The following CNGA1 variants were observed in gnomAD, a reference collection of about 807,000 sequenced individuals.
The protein encoded by CNGA1 is cyclic nucleotide-gated channel alpha-1.
A neutral mutation model predicts 69.7 loss-of-function variants in CNGA1; 53 were observed. The observed-to-expected ratio is 0.76, with a 90% confidence interval of 0.61 to 0.96. The LOEUF (loss-of-function observed/expected upper bound fraction) is 0.96. Among genes scored for constraint, CNGA1 ranks in the 40% least tolerant of loss-of-function variants. The probability of loss-of-function intolerance (pLI) is 0.00; values close to 1 mark genes in which losing one functional copy is unlikely to be tolerated. For synonymous variants in CNGA1, 249 were observed against 283.5 expected (o/e 0.88, Z 1.22); for missense variants, 739 against 811.2 (o/e 0.91, Z 1.08).
At chr4:47,963,720 C>A (rs1740581735) in intron 3 of CNGA1, among the ~76,000 whole-genome samples, 1 of 152,188 alleles carries the variant, frequency 6.6e-6, no homozygotes, top group Non-Finnish European at 1.5e-5. Flanking sequence ...CCCATTTATA[C>A]TCTGCCCTGA....
At chr4:48,007,984 G>T (rs923810943) in intron 2 of CNGA1, among the ~76,000 whole-genome samples, 1 of 152,082 alleles carries the variant, frequency 6.6e-6, no homozygotes, top group Admixed American at 6.5e-5. Context: ...TGCAATAGAA[G>T]TTTAACTTTG....
At chr4:47,939,014 AAAG>A (rs1418831403) in intron 10 of CNGA1, among the ~76,000 whole-genome samples, 1 of 151,228 alleles carries the variant, frequency 6.6e-6, no homozygotes, top group Non-Finnish European at 1.5e-5. Flanking sequence ...AAAGAAAGAG[AAAG>A]AAGAAAGAAA....
chr4:47,995,166 T>C (rs1474309184), intron 2 of CNGA1, among the ~76,000 whole-genome samples: 2 of 139,242 alleles, frequency 1.4e-5, no homozygotes, highest in African/African-American at 5.0e-5. Context: ...GGTGATGATC[T>C]TTTTGTGATG....
chr4:48,011,966 G>A (rs973979112), intron 1 of CNGA1, among the ~76,000 whole-genome samples: 2 of 152,158 alleles, frequency 1.3e-5, no homozygotes, highest in African/African-American at 4.8e-5. Flanking sequence ...TTAGGATTGG[G>A]AGGATCTGGA....
intron 3 of CNGA1, among the ~76,000 whole-genome samples, chr4:47,975,594 T>C (rs899085781): frequency 1.3e-5 from 2 of 152,198 alleles, no homozygotes; most frequent in Admixed American, 6.5e-5. Flanking sequence ...CACCAGAGCA[T>C]GTAAGCATAA....
intron 3 of CNGA1, among the ~76,000 whole-genome samples, chr4:47,964,286 G>T (rs1432404021): frequency 6.6e-6 from 1 of 152,084 alleles, no homozygotes; most frequent in Non-Finnish European, 1.5e-5. Context: ...AAAATTATAT[G>T]AGTAAAATAT....
chr4:47,995,408 ATTTC>A (rs1055685283), intron 2 of CNGA1, among the ~76,000 whole-genome samples: 1 of 151,942 alleles, frequency 6.6e-6, no homozygotes, highest in Admixed American at 6.6e-5. Flanking sequence ...CAAGCTCTAA[ATTTC>A]TTTCTTCTAC....
intron 2 of CNGA1, among the ~76,000 whole-genome samples, chr4:48,005,144 G>A (rs1714863808): frequency 7.0e-6 from 1 of 142,904 alleles, no homozygotes; most frequent in South Asian, 2.1e-4. Context: ...TTGAGATGGA[G>A]TCTTGCTCTT....
At chr4:47,945,461 C>T (rs144726568) in intron 6 of CNGA1, among the ~76,000 whole-genome samples, 2 of 152,266 alleles carry the variant, frequency 1.3e-5, no homozygotes, top group East Asian at 1.9e-4. Context: ...TACTTAGATA[C>T]ATTGAAGACT....
chr4:47,974,257 T>C (rs1248013458), intron 3 of CNGA1, among the ~76,000 whole-genome samples: 3 of 152,242 alleles, frequency 2.0e-5, no homozygotes, highest in African/African-American at 7.2e-5. Flanking sequence ...AGCACTTTAA[T>C]GTTAAACATT....
intron 2 of CNGA1, among the ~76,000 whole-genome samples, chr4:48,010,334 CA>C (rs1715099842): frequency 6.6e-6 from 1 of 152,202 alleles, no homozygotes; most frequent in South Asian, 2.1e-4. Context: ...CCTGGGTCTT[CA>C]AAAAGAGAAT....
intron 3 of CNGA1, among the ~76,000 whole-genome samples, chr4:47,964,752 G>A (rs1578091899): frequency 1.3e-5 from 2 of 152,014 alleles, no homozygotes; most frequent in Admixed American, 1.3e-4. Flanking sequence ...TAAAATCATA[G>A]AATAAATTAG....
At chr4:48,006,507 A>T (rs1002109100) in intron 2 of CNGA1, among the ~76,000 whole-genome samples, 1 of 152,146 alleles carries the variant, frequency 6.6e-6, no homozygotes, top group African/African-American at 2.4e-5. Flanking sequence ...ACCAAACACC[A>T]TTTCTTATTT....
chr4:47,970,384 C>A (rs1740948932), intron 3 of CNGA1, among the ~76,000 whole-genome samples: 1 of 152,192 alleles, frequency 6.6e-6, no homozygotes. Context: ...AGGATTACTG[C>A]TCACACCTGT....
intron 3 of CNGA1, among the ~76,000 whole-genome samples, chr4:47,953,092 G>A (rs1328397439): frequency 2.0e-5 from 3 of 152,106 alleles, no homozygotes; most frequent in South Asian, 2.1e-4. Flanking sequence ...AGGGATTATG[G>A]GAGCCGCACT....
At position 47,955,221 on chromosome 4, in the gene CNGA1, C is replaced by G. The variant is rs1362883872; in HGVS notation, c.-14-2518G>C. On this transcript the variant is annotated intron_variant, in intron 3 of 10. Transcript: ENST00000514170. ...TTTTTGAGACAGAGTCTCACTCTAT[C>G]ACCTAGGCTGGAGTGCAGTGGTGCG... Among the ~76,000 whole-genome samples, 21 of 119,224 alleles carry G rather than the reference C, an allele frequency of 1.8e-4. No individual in the cohort carries two copies. The Admixed American group carries it at 1.9e-3, about 11-fold the overall frequency. 78.2% of individuals were successfully genotyped at this position (119,224 alleles called of 152,430 possible). A position where few individuals can be genotyped will look rare whatever the true frequency, so the allele number is the denominator to read the frequency against.
rs759781200 is a variant in CNGA1 at position 47,940,775 on chromosome 4, G to T, written c.640C>A (p.Arg214=). Residue 214 remains arginine (R), a synonymous_variant, in exon 10 of 11, where the codon CGA becomes AGA. Coordinates refer to ENST00000514170, the MANE Select transcript of CNGA1 (RefSeq NM_001379270.1). ...TGAACATATTTACCTGTCCTTGTTC[G>T]TACAAACATATCGATTAAATAGACT... The part of the protein sequence containing the change: ...DIVYLIDMFV[R]TRTGYLEQGL... 6.3e-7 allele frequency: 1 copy of T among 1,594,318 alleles called. No individual in the cohort carries two copies. Among genetic ancestry groups the T allele is most frequent in the Non-Finnish European group, 8.6e-7 (1 of 1,162,540 alleles).
At chr4:47,984,982 G>A (rs779568060) in intron 2 of CNGA1, among the ~76,000 whole-genome samples, 3 of 152,106 alleles carry the variant, frequency 2.0e-5, no homozygotes, top group Non-Finnish European at 4.4e-5. Context: ...ATCACACTGA[G>A]CTTAAATATA....
At chr4:47,970,608 T>C (rs1279073622) in intron 3 of CNGA1, among the ~76,000 whole-genome samples, 2 of 150,930 alleles carry the variant, frequency 1.3e-5, no homozygotes, top group Non-Finnish European at 2.9e-5. Context: ...GCAGAGATTG[T>C]GCCATTGCAT....
Sources: allele counts gnomAD v4.1 joint callset (sites outside exome capture counted in the v4.1 genomes callset), GRCh38; gene constraint gnomAD v4.1.1; transcripts MANE v1.5; gene names NCBI Gene and HGNC (gene_info 2026-07-23, HGNC 2026-07-21).